Variants in CDH8 observed in about 807,000 individuals in gnomAD.
CDH8 encodes the protein cadherin 8.
Under a neutral mutation model 68.1 loss-of-function variants are expected in CDH8, and 17 were observed. That is an observed-to-expected ratio of 0.25 (90% CI 0.17 to 0.37). The LOEUF is 0.37. Ranked by LOEUF, CDH8 falls within the 10% of genes least tolerant of loss-of-function variation. The probability of loss-of-function intolerance (pLI) is 1.00; values close to 1 mark genes in which losing one functional copy is unlikely to be tolerated. For synonymous variants in CDH8, 372 were observed against 365.1 expected (o/e 1.02, Z -0.21); for missense variants, 763 against 999.3 (o/e 0.76, Z 3.19).
chr16:61,689,323 T>C (rs556381915), intron 10 of CDH8, among the ~76,000 whole-genome samples: 3 of 152,006 alleles, frequency 2.0e-5, no homozygotes, highest in Non-Finnish European at 4.4e-5. Context: ...GATGGAACAA[T>C]AATACCTCTT....
intron 4 of CDH8, among the ~76,000 whole-genome samples, chr16:61,845,094 C>T (rs1377638299): frequency 6.6e-6 from 1 of 152,084 alleles, no homozygotes; most frequent in Admixed American, 6.5e-5. Flanking sequence ...TCCCAGCTAT[C>T]TCAATTACCA....
At chr16:61,696,792 A>G (rs888194268) in intron 10 of CDH8, among the ~76,000 whole-genome samples, 7 of 152,188 alleles carry the variant, frequency 4.6e-5, no homozygotes, top group Non-Finnish European at 1.0e-4. Context: ...CTTTGCAGAA[A>G]CGTGGATGCA....
chr16:61,797,050 A>C (rs1031005422), intron 7 of CDH8, among the ~76,000 whole-genome samples: 1 of 151,998 alleles, frequency 6.6e-6, no homozygotes, highest in Non-Finnish European at 1.5e-5. Context: ...AGCTGCATAC[A>C]TTTCATACTG....
chr16:61,861,229 A>G (rs930046920), intron 3 of CDH8, among the ~76,000 whole-genome samples: 2 of 152,218 alleles, frequency 1.3e-5, no homozygotes, highest in Non-Finnish European at 2.9e-5. Context: ...ATAGTTAAAA[A>G]TGCCTGTAGT....
At chr16:61,827,546 C>A (rs1962367091) in intron 4 of CDH8, among the ~76,000 whole-genome samples, 1 of 151,840 alleles carries the variant, frequency 6.6e-6, no homozygotes, top group African/African-American at 2.4e-5. Flanking sequence ...ACTGTGATGT[C>A]TCTTAGGCAT....
At chr16:62,034,128 AC>A (rs1902393929) in intron 1 of CDH8, among the ~76,000 whole-genome samples, 2 of 152,008 alleles carry the variant, frequency 1.3e-5, no homozygotes, top group African/African-American at 4.8e-5. Context: ...CTTCAAAGGT[AC>A]CACTTCTCTC....
intron 10 of CDH8, among the ~76,000 whole-genome samples, chr16:61,665,824 C>CCT (rs199699802): frequency 1.7e-4 from 23 of 136,960 alleles, no homozygotes; most frequent in Non-Finnish European, 1.9e-4. Context: ...TTCCTTCCTT[C>CCT]TCTCCTTCCC....
At chr16:61,936,799 T>A (rs920707888) in intron 2 of CDH8, among the ~76,000 whole-genome samples, 1 of 152,212 alleles carries the variant, frequency 6.6e-6, no homozygotes, top group Admixed American at 6.5e-5. Context: ...AATTAAACAC[T>A]GAATTTAAAA....
chr16:61,683,418 G>A (rs745553362), intron 10 of CDH8, among the ~76,000 whole-genome samples: 1 of 151,926 alleles, frequency 6.6e-6, no homozygotes, highest in South Asian at 2.1e-4. Flanking sequence ...ATAAGAATAC[G>A]ATGACATAAT....
intron 2 of CDH8, among the ~76,000 whole-genome samples, chr16:61,932,207 CAA>C (rs35261724): frequency 9.6e-5 from 8 of 83,548 alleles, no homozygotes; most frequent in Non-Finnish European, 1.2e-4. Flanking sequence ...AACTCCGTCT[CAA>C]AAAAAAAAAA....
chr16:61,881,157 T>C (rs973520818), intron 3 of CDH8, among the ~76,000 whole-genome samples: 1 of 152,184 alleles, frequency 6.6e-6, no homozygotes, highest in African/African-American at 2.4e-5. Context: ...CTGAATGGAT[T>C]CCTAACCTAC....
At chr16:61,931,491 T>TA (rs1056612359) in intron 2 of CDH8, among the ~76,000 whole-genome samples, 101 of 151,954 alleles carry the variant, frequency 6.6e-4, no homozygotes, top group African/African-American at 2.1e-3. Context: ...AGGACTTTTC[T>TA]AAAAAAAACA....
intron 10 of CDH8, among the ~76,000 whole-genome samples, chr16:61,701,210 A>G (rs1048932775): frequency 3.9e-5 from 6 of 152,306 alleles, no homozygotes; most frequent in East Asian, 3.9e-4. Context: ...TAATGTCCCA[A>G]TTGAAGTCCC....
chr16:61,953,898 TA>T (rs1964937211), intron 2 of CDH8, among the ~76,000 whole-genome samples: 6 of 11,044 alleles, frequency 5.4e-4, no homozygotes, highest in African/African-American at 1.2e-3. Flanking sequence ...AAAAACTTTA[TA>T]TATATATATA....
chr16:61,908,631 G>A (rs1477597167), intron 2 of CDH8, among the ~76,000 whole-genome samples: 1 of 152,164 alleles, frequency 6.6e-6, no homozygotes, highest in African/African-American at 2.4e-5. Context: ...ACTTGTGATT[G>A]ATGCTTTGGA....
intron 2 of CDH8, among the ~76,000 whole-genome samples, chr16:62,007,108 A>T (rs946126494): frequency 1.3e-5 from 2 of 152,052 alleles, no homozygotes; most frequent in African/African-American, 4.8e-5. Context: ...GGGTTTCACC[A>T]TATTGATCAG....
At chr16:61,768,372 T>TCTCTCTCCC (rs1960676792) in intron 8 of CDH8, among the ~76,000 whole-genome samples, 1 of 38,938 alleles carries the variant, frequency 2.6e-5, no homozygotes, top group African/African-American at 1.2e-4. Context: ...CTCTCTCCCT[T>TCTCTCTCCC]TCTCTCTCTC....
intron 8 of CDH8, among the ~76,000 whole-genome samples, chr16:61,782,392 A>C (rs1961092750): frequency 6.6e-6 from 1 of 151,870 alleles, no homozygotes; most frequent in African/African-American, 2.4e-5. Flanking sequence ...GGCTTAAAAA[A>C]CGGCGCACCA....
intron 2 of CDH8, among the ~76,000 whole-genome samples, chr16:61,919,728 TG>T (rs1964325954): frequency 6.6e-6 from 1 of 152,072 alleles, no homozygotes. Context: ...GGAACCAAGT[TG>T]GAAAACACTC....
Sources: gnomAD v4.1 joint callset for allele counts (sites outside exome capture counted in the v4.1 genomes callset) on GRCh38, gnomAD v4.1.1 for gene constraint, MANE v1.5 for transcripts, NCBI Gene and HGNC (gene_info 2026-07-23, HGNC 2026-07-21) for gene names.